The following KIFAP3 variants were observed in gnomAD, a reference collection of about 807,000 sequenced individuals.
The protein encoded by KIFAP3 is kinesin-associated protein 3.
KIFAP3 carries 68 observed loss-of-function variants against 106.5 expected under a neutral mutation model. The observed-to-expected ratio is 0.64, with a 90% CI of 0.53 to 0.78. The LOEUF is 0.78. KIFAP3 is among the 30% of genes least tolerant of loss of function. The probability of loss-of-function intolerance (pLI) is 0.00; values close to 1 mark genes in which losing one functional copy is unlikely to be tolerated. For synonymous variants in KIFAP3, 320 were observed against 311.5 expected, an observed-to-expected ratio of 1.03 and a Z score of -0.29; for missense variants, 780 against 941.8, an observed-to-expected ratio of 0.83 and a Z score of 2.25.
intron 1 of KIFAP3, among the ~76,000 whole-genome samples, chr1:170,056,190 T>A (rs1016686930): frequency 1.3e-5 from 2 of 152,008 alleles, no homozygotes; most frequent in Admixed American, 1.3e-4. Context: ...TATATTACAA[T>A]ATATGTCATG....
chr1:169,930,272 G>A (rs1401782555), intron 19 of KIFAP3, among the ~76,000 whole-genome samples: 1 of 152,154 alleles, frequency 6.6e-6, no homozygotes, highest in Non-Finnish European at 1.5e-5. Flanking sequence ...CACTCTTGCT[G>A]TTAGAGCGCT....
chr1:169,998,437 CCA>C (rs1440915332), intron 10 of KIFAP3, among the ~76,000 whole-genome samples: 11 of 148,690 alleles, frequency 7.4e-5, no homozygotes, highest in South Asian at 6.4e-4. Flanking sequence ...CACACACACA[CCA>C]CACACACTTT....
intron 2 of KIFAP3, among the ~76,000 whole-genome samples, chr1:170,049,993 T>C (rs944619026): frequency 3.3e-5 from 5 of 151,966 alleles, no homozygotes; most frequent in African/African-American, 7.2e-5. Flanking sequence ...GAGAATGAGA[T>C]TGACGAAATG....
At chr1:170,017,861 G>A (rs1467047466) in intron 9 of KIFAP3, among the ~76,000 whole-genome samples, 5 of 152,124 alleles carry the variant, frequency 3.3e-5, no homozygotes, top group Non-Finnish European at 7.4e-5. Context: ...TGGAAAAAGA[G>A]GTTTAGGGCA....
chr1:169,957,105 C>T lies in KIFAP3; in HGVS notation c.2174-2995G>A, dbSNP rs116342641. 9.7e-3 allele frequency among the ~76,000 whole-genome samples: 1,479 copies of T among 152,226 alleles called. 20 individuals carry two copies. Among genetic ancestry groups the T allele is most frequent in the African/African-American group, 0.019 (803 of 41,540 alleles). On this transcript the variant is annotated intron_variant, in intron 18 of 19. Transcript: ENST00000361580. ...CTTATTTTTTCTTAACATTGTTCCA[C>T]CAAAATTAATTCTTTTAGGGAAATA...
chr1:170,034,865 C>T (rs1294003561), intron 6 of KIFAP3, among the ~76,000 whole-genome samples: 1 of 151,748 alleles, frequency 6.6e-6, no homozygotes, highest in East Asian at 1.9e-4. Context: ...TCAGAGAATT[C>T]GTAAAGTACT....
intron 16 of KIFAP3, 129 bp from the exon 17 acceptor site, chr1:169,972,727 C>T (rs1665983238): frequency 2.0e-6 from 1 of 510,540 alleles, no homozygotes; most frequent in Admixed American, 3.9e-5. Flanking sequence ...AAAATAAAAT[C>T]ATTAATACAA....
chr1:170,007,489 A>C (rs1668024631), intron 10 of KIFAP3, among the ~76,000 whole-genome samples: 1 of 152,148 alleles, frequency 6.6e-6, no homozygotes, highest in African/African-American at 2.4e-5. Flanking sequence ...AAGGTAAAAG[A>C]AGTGACAGTG....
At chr1:170,084,040 A>C (rs143419877) in intron 1 of KIFAP3, among the ~76,000 whole-genome samples, 5,188 of 152,294 alleles carry the variant, frequency 0.034, 117 homozygotes, top group Middle Eastern at 0.054. Context: ...CAGGAGAGAA[A>C]GAGTACAAAG....
chr1:169,996,183 C>T (rs1404023988), intron 10 of KIFAP3, among the ~76,000 whole-genome samples: 1 of 152,122 alleles, frequency 6.6e-6, no homozygotes, highest in Non-Finnish European at 1.5e-5. Flanking sequence ...TCTCTTCACA[C>T]TTATGGTCAA....
At chr1:170,063,000 C>T (rs1671263199) in intron 1 of KIFAP3, among the ~76,000 whole-genome samples, 1 of 152,076 alleles carries the variant, frequency 6.6e-6, no homozygotes, top group South Asian at 2.1e-4. Flanking sequence ...CTTCCAACCT[C>T]ACATGCTACC....
chr1:169,957,376 C>A (rs1441379457), intron 18 of KIFAP3, among the ~76,000 whole-genome samples: 2 of 152,104 alleles, frequency 1.3e-5, no homozygotes, highest in Non-Finnish European at 2.9e-5. Flanking sequence ...ATAAAGCACA[C>A]CTTTCTGAGA....
intron 8 of KIFAP3, among the ~76,000 whole-genome samples, chr1:170,029,721 T>C (rs1339549884): frequency 6.6e-6 from 1 of 151,904 alleles, no homozygotes; most frequent in African/African-American, 2.4e-5. Context: ...GCACCCAATA[T>C]CAACATTTTC....
rs898043789 is a variant in KIFAP3, at chr1:169,945,148, G to A, written c.2273+8863C>T. On this transcript the variant is annotated intron_variant, in intron 19 of 19. Transcript: ENST00000361580. ...GAGGGGGCTGAGGCAGTGGGGGGCG[G>A]GGGGGGGCTGGTGTGTCAGTACCGC... Among the ~76,000 whole-genome samples, 9 of 942 alleles carry A rather than the reference G, an allele frequency of 9.6e-3. No homozygotes were observed. In the African/African-American group the frequency reaches 0.14, roughly 14 times the overall value. The allele number at this position is 942 out of a possible 152,430, so 0.6% of individuals were successfully genotyped here. A position where few individuals can be genotyped will look rare whatever the true frequency, so the allele number is the denominator to read the frequency against.
At chr1:170,063,289 G>T (rs1671276913) in intron 1 of KIFAP3, among the ~76,000 whole-genome samples, 3 of 152,152 alleles carry the variant, frequency 2.0e-5, no homozygotes, top group African/African-American at 7.2e-5. Context: ...TAGTCTTTGA[G>T]ATATTTTTCA....
At chr1:169,934,331 T>G (rs943231340) in intron 19 of KIFAP3, among the ~76,000 whole-genome samples, 1 of 152,186 alleles carries the variant, frequency 6.6e-6, no homozygotes, top group Admixed American at 6.6e-5. Context: ...AATAAGGTTA[T>G]TCAATCAAAA....
Position 170,035,528 on chromosome 1 carries a change from C to A in KIFAP3, c.543G>T (p.Arg181Ser). 1 of 1,607,528 alleles carries A rather than the reference C, an allele frequency of 6.2e-7. No homozygotes were observed. The highest frequency in any genetic ancestry group is 1.1e-5 in the South Asian group (1 of 90,076). Residue 181 changes from arginine to serine, a missense_variant, in exon 6 of 20, where the codon AGG (arginine) becomes AGT (serine). Transcript: ENST00000361580. ...LNETALGALA[R>S]VLREDWKQSV... ...TTTGCTTCCAGTCTTCTCTCAGGAC[C>A]CTTGCTAATGCACCAAGGGCAGTTT...
rs1666602332 is a variant in KIFAP3, at chr1:169,982,840, T to A, written c.1534A>T (p.Ile512Phe). 2 of 1,600,572 alleles carry A rather than the reference T, an allele frequency of 1.2e-6. No homozygotes were observed. Among genetic ancestry groups the A allele is most frequent in the Non-Finnish European group, 8.5e-7 (1 of 1,171,548 alleles). The change falls in exon 14 of 20, where the codon ATC (isoleucine) becomes TTC (phenylalanine). Residue 512 changes from isoleucine to phenylalanine, a missense_variant. Coordinates refer to ENST00000361580, the MANE Select transcript of KIFAP3 (RefSeq NM_014970.4). ...IDYVGDLAAQ[I>F]SNDEEEEFVI... ...AACTCCTCTTCTTCATCATTAGAGA[T>A]CTGGGCTGCAAGGTCCCCAACATAA...
chr1:169,943,388 GACA>G (rs1664246904), intron 19 of KIFAP3, among the ~76,000 whole-genome samples: 1 of 151,994 alleles, frequency 6.6e-6, no homozygotes, highest in South Asian at 2.1e-4. Context: ...AATCAATCAA[GACA>G]ACAATAGGCT....
Sources: allele counts gnomAD v4.1 joint callset (sites outside exome capture counted in the v4.1 genomes callset), GRCh38; gene constraint gnomAD v4.1.1; transcripts MANE v1.5; gene names NCBI Gene and HGNC (gene_info 2026-07-23, HGNC 2026-07-21).